RBFOX1: variants seen among roughly 807,000 people sequenced by gnomAD.
RBFOX1 encodes RNA binding protein fox-1 homolog 1.
Under a neutral mutation model 57.7 loss-of-function variants are expected in RBFOX1, and 8 were observed. That is an observed-to-expected ratio of 0.14 (90% CI 0.08 to 0.25). RBFOX1 has a LOEUF of 0.25. Among genes scored for constraint, RBFOX1 ranks in the 10% least tolerant of loss-of-function variants. The pLI, the probability that RBFOX1 is intolerant of heterozygous loss-of-function variation, is 1.00. For synonymous variants in RBFOX1, 326 were observed against 222.4 expected, an observed-to-expected ratio of 1.47 and a Z score of -4.15; for missense variants, 611 against 548.5, an observed-to-expected ratio of 1.11 and a Z score of -1.14.
intron 2 of RBFOX1, among the ~76,000 whole-genome samples, chr16:6,331,841 A>C (rs2083077555): frequency 6.6e-6 from 1 of 151,520 alleles, no homozygotes; most frequent in South Asian, 2.1e-4. Flanking sequence ...TCCCCTATTA[A>C]AGTTTGCTTG....
chr16:7,613,117 G>A (rs1303350068), intron 10 of RBFOX1, among the ~76,000 whole-genome samples: 1 of 152,106 alleles, frequency 6.6e-6, no homozygotes, highest in Non-Finnish European at 1.5e-5. Context: ...GTAAAAATAA[G>A]GAGATGCAGA....
At chr16:5,567,615 G>A (rs920742248) in intron 2 of RBFOX1, among the ~76,000 whole-genome samples, 3 of 148,362 alleles carry the variant, frequency 2.0e-5, no homozygotes, top group South Asian at 2.2e-4. Context: ...ACCATAGTGG[G>A]GGGGTATTCA....
At chr16:5,621,435 G>A (rs557865309) in intron 3 of RBFOX1, among the ~76,000 whole-genome samples, 2 of 152,144 alleles carry the variant, frequency 1.3e-5, no homozygotes, top group Non-Finnish European at 2.9e-5. Context: ...TATTTAATTT[G>A]TGTCGTCTTG....
chr16:5,855,417 A>G (rs1250572522), intron 3 of RBFOX1, among the ~76,000 whole-genome samples: 3 of 152,148 alleles, frequency 2.0e-5, no homozygotes, highest in Non-Finnish European at 4.4e-5. Flanking sequence ...TGAAATAAGG[A>G]TTCAATTATA....
At chr16:6,992,073 C>T (rs2091561036) in intron 3 of RBFOX1, among the ~76,000 whole-genome samples, 1 of 152,126 alleles carries the variant, frequency 6.6e-6, no homozygotes, top group African/African-American at 2.4e-5. Context: ...CCTGTCTTTG[C>T]CAGAGTTTCA....
At chr16:6,392,450 T>A (rs2092646593) in intron 2 of RBFOX1, among the ~76,000 whole-genome samples, 1 of 152,220 alleles carries the variant, frequency 6.6e-6, no homozygotes, top group South Asian at 2.1e-4. Context: ...CAAGATTATG[T>A]ATTTCTATCT....
intron 2 of RBFOX1, among the ~76,000 whole-genome samples, chr16:5,554,241 G>GA (rs1408935481): frequency 6.6e-6 from 1 of 152,024 alleles, no homozygotes; most frequent in Non-Finnish European, 1.5e-5. Context: ...GAAGTGCTGG[G>GA]ATTACAGGCA....
chr16:7,010,309 G>C (rs187998604), intron 3 of RBFOX1, among the ~76,000 whole-genome samples: 20 of 152,332 alleles, frequency 1.3e-4, no homozygotes, highest in Admixed American at 2.0e-4. Flanking sequence ...GAGAACACTA[G>C]AGAAAGAACT....
At chr16:5,310,009 T>C (rs1254260787) in intron 1 of RBFOX1, among the ~76,000 whole-genome samples, 1 of 152,212 alleles carries the variant, frequency 6.6e-6, no homozygotes, top group African/African-American at 2.4e-5. Flanking sequence ...TGAAAACCTT[T>C]TTTGGCTTAG....
At chr16:7,234,954 G>T (rs527491981) in intron 4 of RBFOX1, among the ~76,000 whole-genome samples, 2 of 152,086 alleles carry the variant, frequency 1.3e-5, no homozygotes, top group African/African-American at 2.4e-5. Context: ...TATGCCTGTA[G>T]CTTGGATCCA....
chr16:5,992,709 G>A (rs2060421867), intron 4 of RBFOX1, among the ~76,000 whole-genome samples: 1 of 152,158 alleles, frequency 6.6e-6, no homozygotes, highest in East Asian at 1.9e-4. Flanking sequence ...CAAGGTGGGT[G>A]GATCACCTGA....
At chr16:6,100,185 C>T (rs183123656) in intron 1 of RBFOX1, among the ~76,000 whole-genome samples, 1 of 151,588 alleles carries the variant, frequency 6.6e-6, no homozygotes, top group Admixed American at 6.6e-5. Context: ...TTTTTTGAGA[C>T]GGAGTCTTGC....
At chr16:7,264,603 A>G (rs1365307089) in intron 4 of RBFOX1, among the ~76,000 whole-genome samples, 1 of 152,266 alleles carries the variant, frequency 6.6e-6, no homozygotes, top group Non-Finnish European at 1.5e-5. Flanking sequence ...AAATAAATGT[A>G]GTTGTATTAC....
chr16:6,278,377 CAAAAA>C (rs57523660), intron 1 of RBFOX1, among the ~76,000 whole-genome samples: 28 of 28,042 alleles, frequency 1.0e-3, no homozygotes, highest in South Asian at 2.9e-3. Context: ...TAGGACTCAC[CAAAAA>C]AAAAAAAAAA....
chr16:7,294,371 A>C (rs1200490776), intron 4 of RBFOX1, among the ~76,000 whole-genome samples: 1 of 152,030 alleles, frequency 6.6e-6, no homozygotes, highest in East Asian at 1.9e-4. Context: ...TAGGAACTGA[A>C]GTTACTTGCT....
At chr16:5,268,214 C>A (rs1161384556) in intron 1 of RBFOX1, among the ~76,000 whole-genome samples, 1 of 151,846 alleles carries the variant, frequency 6.6e-6, no homozygotes, top group East Asian at 1.9e-4. Flanking sequence ...ATGAAGAACA[C>A]TTTTTTCTTT....
intron 3 of RBFOX1, among the ~76,000 whole-genome samples, chr16:5,684,608 A>T (rs1280371436): frequency 6.6e-6 from 1 of 152,176 alleles, no homozygotes; most frequent in East Asian, 1.9e-4. Context: ...CCCACGGTTA[A>T]TAAAGTAACT....
At chr16:7,268,315 G>C (rs1315609892) in intron 4 of RBFOX1, among the ~76,000 whole-genome samples, 2 of 152,170 alleles carry the variant, frequency 1.3e-5, no homozygotes, top group Non-Finnish European at 2.9e-5. Context: ...GACAGTAGGG[G>C]GCAAAAGTGG....
intron 11 of RBFOX1, among the ~76,000 whole-genome samples, chr16:7,640,868 CT>C (rs913109440): frequency 6.7e-6 from 1 of 148,648 alleles, no homozygotes; most frequent in African/African-American, 2.5e-5. Flanking sequence ...CTTATCTGCC[CT>C]TTATTTGCTT....
Sources: gnomAD v4.1 joint callset for allele counts (sites outside exome capture counted in the v4.1 genomes callset) on GRCh38, gnomAD v4.1.1 for gene constraint, MANE v1.5 for transcripts, NCBI Gene and HGNC (gene_info 2026-07-23, HGNC 2026-07-21) for gene names.